The following FTCDNL1 variants were observed in gnomAD, a reference collection of about 807,000 sequenced individuals.
FTCDNL1 encodes the protein formiminotransferase N-terminal subdomain-containing protein.
FTCDNL1 carries 11 observed loss-of-function variants against 5.9 expected under a neutral mutation model. That is an observed-to-expected ratio of 1.87 (90% CI 1.18 to 3.10). The LOEUF (loss-of-function observed/expected upper bound fraction) is 3.10, where lower values mean the gene tolerates loss of function less well. FTCDNL1 is among the 30% of genes most tolerant of loss of function. The pLI, the probability that FTCDNL1 is intolerant of heterozygous loss-of-function variation, is 0.00. For missense variants in FTCDNL1, 115 were observed against 65.5 expected (o/e 1.76, Z -2.61); for synonymous variants, 58 against 24.8 (o/e 2.34, Z -3.99).
At chr2:199,705,420 T>C in the FTCDNL1 span, among the ~76,000 whole-genome samples, 4 of 152,242 alleles carry the variant, frequency 2.6e-5, no homozygotes, top group African/African-American at 7.2e-5. Context: ...TCTAATGTTT[T>C]AGTTCTAATG....
chr2:199,709,139 T>A, the FTCDNL1 span, among the ~76,000 whole-genome samples: 1 of 152,134 alleles, frequency 6.6e-6, no homozygotes, highest in East Asian at 1.9e-4. Flanking sequence ...CTTTCTCCAG[T>A]TCTCCTGTTG....
chr2:199,840,158 T>C (rs2076543976), intron 3 of FTCDNL1, among the ~76,000 whole-genome samples: 1 of 152,156 alleles, frequency 6.6e-6, no homozygotes. Context: ...ATGGAATTGA[T>C]AGAACCCTCA....
At chr2:199,814,476 G>A (rs772292081) in intron 4 of FTCDNL1, among the ~76,000 whole-genome samples, 1 of 152,144 alleles carries the variant, frequency 6.6e-6, no homozygotes, top group Non-Finnish European at 1.5e-5. Flanking sequence ...TCATTCTATT[G>A]CCTTTAAATC....
chr2:199,848,325 T>A (rs1437608476), intron 2 of FTCDNL1, among the ~76,000 whole-genome samples: 4 of 152,244 alleles, frequency 2.6e-5, no homozygotes, highest in Non-Finnish European at 5.9e-5. Flanking sequence ...TTAAATGCAC[T>A]TGCCTAACAG....
intron 3 of FTCDNL1, among the ~76,000 whole-genome samples, chr2:199,788,437 A>G (rs1464045622): frequency 6.6e-6 from 1 of 152,242 alleles, no homozygotes; most frequent in Non-Finnish European, 1.5e-5. Flanking sequence ...GATCTCGACA[A>G]CTTGGAAATT....
the FTCDNL1 span, among the ~76,000 whole-genome samples, chr2:199,696,334 A>G: frequency 6.6e-6 from 1 of 152,184 alleles, no homozygotes; most frequent in Non-Finnish European, 1.5e-5. Flanking sequence ...GTGCACATGA[A>G]CATGGACCCT....
chr2:199,693,652 T>C, the FTCDNL1 span, among the ~76,000 whole-genome samples: 1 of 152,202 alleles, frequency 6.6e-6, no homozygotes, highest in Admixed American at 6.5e-5. Context: ...TTATTAACCA[T>C]ATGACCTTAC....
chr2:199,814,890 T>C (rs1436263936), intron 4 of FTCDNL1, among the ~76,000 whole-genome samples: 4 of 152,174 alleles, frequency 2.6e-5, no homozygotes, highest in African/African-American at 4.8e-5. Flanking sequence ...TTATTTATAG[T>C]AGAAAGAAGT....
the FTCDNL1 span, among the ~76,000 whole-genome samples, chr2:199,716,093 C>T: frequency 8.0e-5 from 11 of 137,138 alleles, no homozygotes; most frequent in Non-Finnish European, 1.7e-4. Flanking sequence ...TTTTAGAGAG[C>T]AAAAAAGCAG....
downstream of FTCDNL1, among the ~76,000 whole-genome samples, chr2:199,759,391 AG>A (rs1698184571): frequency 6.6e-6 from 1 of 151,328 alleles, no homozygotes; most frequent in Non-Finnish European, 1.5e-5. Context: ...ACTCCCTGCG[AG>A]TTAGGAGATT....
the FTCDNL1 span, among the ~76,000 whole-genome samples, chr2:199,733,966 C>T: frequency 6.6e-6 from 1 of 151,278 alleles, no homozygotes; most frequent in Non-Finnish European, 1.5e-5. Context: ...AACTGTCTTC[C>T]ACCAAAAATA....
At chr2:199,740,192 A>T in the FTCDNL1 span, among the ~76,000 whole-genome samples, 166 of 152,358 alleles carry the variant, frequency 1.1e-3, 1 homozygote, top group Non-Finnish European at 1.5e-3. Flanking sequence ...ACTGTTAGTC[A>T]TCTTTATGAG....
the FTCDNL1 span, among the ~76,000 whole-genome samples, chr2:199,669,981 AT>A: frequency 6.6e-6 from 1 of 152,178 alleles, no homozygotes; most frequent in African/African-American, 2.4e-5. Flanking sequence ...TAGTTTTGAG[AT>A]TGATGTAGTG....
intron 3 of FTCDNL1, among the ~76,000 whole-genome samples, chr2:199,798,004 T>G (rs991151155): frequency 6.6e-6 from 1 of 152,218 alleles, no homozygotes; most frequent in Non-Finnish European, 1.5e-5. Flanking sequence ...GTCAGGTGTT[T>G]GCATTCTCGA....
At chr2:199,752,832 G>C in the FTCDNL1 span, among the ~76,000 whole-genome samples, 1 of 149,480 alleles carries the variant, frequency 6.7e-6, no homozygotes, top group East Asian at 1.9e-4. Flanking sequence ...TATATAGATA[G>C]AGAGAGAGAG....
At chr2:199,755,718 G>C (rs1285034619), downstream of FTCDNL1, among the ~76,000 whole-genome samples, 2 of 152,060 alleles carry the variant, frequency 1.3e-5, no homozygotes, top group Non-Finnish European at 1.5e-5. Flanking sequence ...TCCCAGCTTT[G>C]CCACTCCCTA....
At position 199,837,226 on chromosome 2, in the gene FTCDNL1, C is replaced by G. The variant is rs183401862; in HGVS notation, c.211+8849G>C. On this transcript the variant is annotated intron_variant, in intron 3 of 4. Coordinates refer to ENST00000420128, the MANE Select transcript of FTCDNL1 (RefSeq NM_001363886.2). ...TCATAGTTAAAATGTACTAAAGTCA[C>G]TGGAAATCAATCTTAATATTTTAAG... Among the ~76,000 whole-genome samples, 1,111 of 152,314 alleles carry G rather than the reference C, an allele frequency of 7.3e-3. 6 individuals carry two copies. Among genetic ancestry groups the G allele is most frequent in the Non-Finnish European group, 0.01 (693 of 68,034 alleles).
intron 3 of FTCDNL1, among the ~76,000 whole-genome samples, chr2:199,833,474 A>G (rs1702513316): frequency 6.6e-6 from 1 of 152,196 alleles, no homozygotes; most frequent in South Asian, 2.1e-4. Flanking sequence ...CTTTCAGAGA[A>G]GCTATAGAGA....
At chr2:199,752,605 C>T in the FTCDNL1 span, among the ~76,000 whole-genome samples, 12 of 152,116 alleles carry the variant, frequency 7.9e-5, no homozygotes, top group Non-Finnish European at 1.5e-4. Context: ...ACTGAAGCAT[C>T]GGCTCTCCCT....
Sources: gnomAD v4.1 joint callset for allele counts (sites outside exome capture counted in the v4.1 genomes callset) on GRCh38, gnomAD v4.1.1 for gene constraint, MANE v1.5 for transcripts, NCBI Gene and HGNC (gene_info 2026-07-23, HGNC 2026-07-21) for gene names.